PHLPP1: variants seen among roughly 807,000 people sequenced by gnomAD.
PHLPP1 encodes PH domain leucine-rich repeat-containing protein phosphatase 1.
In PHLPP1, 42 loss-of-function variants were observed where a neutral mutation model predicts 117.2. The observed-to-expected ratio is 0.36, with a 90% CI of 0.28 to 0.46. The LOEUF (loss-of-function observed/expected upper bound fraction) is 0.46, where lower values mean the gene tolerates loss of function less well. PHLPP1 is among the 20% of genes least tolerant of loss of function. The pLI is 1.00. For synonymous variants in PHLPP1, 1,042 were observed against 970.7 expected (o/e 1.07, Z -1.37); for missense variants, 2,084 against 2,241.9 (o/e 0.93, Z 1.42).
intron 1 of PHLPP1, among the ~76,000 whole-genome samples, chr18:62,763,798 T>A (rs145256407): frequency 6.4e-4 from 97 of 152,324 alleles, no homozygotes; most frequent in African/African-American, 2.2e-3. Context: ...CCAGAGATTT[T>A]TTTTTCTATG....
rs1402190715 is a variant in PHLPP1, at chr18:62,716,097, C to A, written c.414C>A (p.Ser138=). Residue 138 remains serine, a synonymous_variant, in exon 1 of 17, where the codon TCC becomes TCA. Coordinates refer to ENST00000262719, the MANE Select transcript of PHLPP1 (RefSeq NM_194449.4). The surrounding 1 kb of genome is among the most constrained non-coding windows in gnomAD (Gnocchi z 5.7). ...RNLSAAAAAA[S]SSSSSSAAAA... is the part of the protein sequence containing the mutation. ...TGTCCGCGGCCGCCGCGGCCGCCTC[C>A]TCGTCGTCGTCGTCCTCGGCCGCTG... is the stretch of plus-strand genomic sequence containing the variant. The A allele has an allele frequency of 9.9e-5, 148 of 1,501,800 alleles. No individual in the cohort carries two copies. Among genetic ancestry groups the A allele is most frequent in the Non-Finnish European group, 1.3e-4 (145 of 1,133,578 alleles). The allele number at this position is 1,501,800 out of a possible 1,614,324, so 93.0% of individuals were successfully genotyped here.
At chr18:62,935,131 C>T (rs767934210) in intron 10 of PHLPP1, among the ~76,000 whole-genome samples, 1 of 152,004 alleles carries the variant, frequency 6.6e-6, no homozygotes, top group Non-Finnish European at 1.5e-5. Context: ...CTTGGAAAAC[C>T]CTAGAGAATC....
At chr18:62,960,099 G>A (rs1021620573) in intron 13 of PHLPP1, among the ~76,000 whole-genome samples, 2 of 151,926 alleles carry the variant, frequency 1.3e-5, no homozygotes, top group African/African-American at 4.8e-5. Context: ...TTATACGTAG[G>A]ATACAAAAAT....
At chr18:62,849,826 A>ATATATATATATATATATATATAT (rs1371664083) in intron 3 of PHLPP1, among the ~76,000 whole-genome samples, 12 of 33,822 alleles carry the variant, frequency 3.5e-4, no homozygotes, top group Non-Finnish European at 5.9e-4. Context: ...AAAAAAAAAA[A>ATATATATATATATATATATATAT]AAAAAAATAT....
At chr18:62,929,792 T>C (rs1159138940) in intron 10 of PHLPP1, among the ~76,000 whole-genome samples, 1 of 151,888 alleles carries the variant, frequency 6.6e-6, no homozygotes, top group East Asian at 1.9e-4. Flanking sequence ...TACAAAGAAT[T>C]TTTAAAATTA....
chr18:62,921,689 A>G (rs752897155), intron 10 of PHLPP1, among the ~76,000 whole-genome samples: 6 of 152,196 alleles, frequency 3.9e-5, no homozygotes, highest in Non-Finnish European at 7.3e-5. Flanking sequence ...TACTACCTTC[A>G]TTCCTGGCTT....
chr18:62,837,716 C>T (rs1421059590), intron 2 of PHLPP1: 6 of 150,928 alleles, frequency 4.0e-5, no homozygotes, highest in Non-Finnish European at 8.9e-5. Context: ...GCTCTGTCAC[C>T]CAGGCTGGAT....
chr18:62,875,922 G>C (rs1025234742), intron 4 of PHLPP1, among the ~76,000 whole-genome samples: 1 of 151,796 alleles, frequency 6.6e-6, no homozygotes, highest in Non-Finnish European at 1.5e-5. Flanking sequence ...TAGTAAAGAC[G>C]GGGTTTCACC....
intron 1 of PHLPP1, chr18:62,824,232 A>G (rs1399785340): frequency 4.4e-6 from 2 of 455,968 alleles, no homozygotes; most frequent in African/African-American, 4.0e-5. Flanking sequence ...TTCCAATCCT[A>G]GGTATTTACC....
intron 1 of PHLPP1, among the ~76,000 whole-genome samples, chr18:62,820,271 C>A (rs1914409254): frequency 6.6e-6 from 1 of 152,154 alleles, no homozygotes; most frequent in Admixed American, 6.5e-5. Context: ...GTCTTTCTCT[C>A]AATCTTTGAA....
intron 1 of PHLPP1, among the ~76,000 whole-genome samples, chr18:62,718,056 A>G (rs1910814555): frequency 6.6e-6 from 1 of 152,330 alleles, no homozygotes; most frequent in South Asian, 2.1e-4. Flanking sequence ...GTTTCAGTAC[A>G]TTAGCAAATT....
At chr18:62,757,658 A>G (rs1294762647) in intron 1 of PHLPP1, among the ~76,000 whole-genome samples, 1 of 152,238 alleles carries the variant, frequency 6.6e-6, no homozygotes, top group Non-Finnish European at 1.5e-5. Context: ...CTATAAACAC[A>G]TGTAGTTTTT....
chr18:62,735,305 A>G (rs1457001096), intron 1 of PHLPP1, among the ~76,000 whole-genome samples: 1 of 151,994 alleles, frequency 6.6e-6, no homozygotes, highest in Non-Finnish European at 1.5e-5. Flanking sequence ...GCTGATCTCA[A>G]ACTCCTTAGT....
At chr18:62,904,123 C>T (rs1322041623) in intron 7 of PHLPP1, among the ~76,000 whole-genome samples, 1 of 152,198 alleles carries the variant, frequency 6.6e-6, no homozygotes, top group Non-Finnish European at 1.5e-5. Flanking sequence ...AGCCAAGCCT[C>T]AAATAGGTAT....
intron 1 of PHLPP1, among the ~76,000 whole-genome samples, chr18:62,819,749 G>A (rs920507554): frequency 6.6e-6 from 1 of 152,108 alleles, no homozygotes; most frequent in Non-Finnish European, 1.5e-5. Context: ...GGGTTCAAGC[G>A]ATTCTCCTGC....
At chr18:62,963,570 T>C (rs567361697) in intron 14 of PHLPP1, 98 bp downstream of exon 14, 2 of 756,822 alleles carry the variant, frequency 2.6e-6, no homozygotes, top group African/African-American at 1.8e-5. Flanking sequence ...CACACTTTTC[T>C]CATGTAAAAT....
intron 1 of PHLPP1, among the ~76,000 whole-genome samples, chr18:62,725,088 G>T (rs192909976): frequency 4.3e-4 from 66 of 152,278 alleles, no homozygotes; most frequent in African/African-American, 1.5e-3. Flanking sequence ...GCTGTGTGCG[G>T]TGGCTCACAC....
At chr18:62,937,221 G>A (rs1479623202) in intron 10 of PHLPP1, among the ~76,000 whole-genome samples, 2 of 152,246 alleles carry the variant, frequency 1.3e-5, no homozygotes, top group Non-Finnish European at 2.9e-5. Context: ...ATGCCAAGGA[G>A]AGCAGAGCAA....
rs117783702 is a variant in PHLPP1 at position 62,818,783 on chromosome 18, T to G, written c.1577-11252T>G. ...TTTAGTAAAGATAACAATAGTATAT[T>G]GTGGGTGGGCAAGGGGGAGGTTATA... On this transcript the variant is annotated intron_variant, in intron 1 of 16. Transcript: ENST00000262719. Among the ~76,000 whole-genome samples, 461 of 152,118 alleles carry G rather than the reference T, an allele frequency of 3.0e-3. 1 individual carries two copies. The highest frequency in any genetic ancestry group is 6.8e-3 in the Middle Eastern group (2 of 294).
Sources: gnomAD v4.1 joint callset for allele counts (sites outside exome capture counted in the v4.1 genomes callset) on GRCh38, gnomAD v4.1.1 for gene constraint, Gnocchi (gnomAD v3.1) non-coding constraint, MANE v1.5 for transcripts, NCBI Gene and HGNC (gene_info 2026-07-23, HGNC 2026-07-21) for gene names.